Variants in WWOX observed in about 807,000 individuals in gnomAD.
WWOX encodes the protein WW domain-containing oxidoreductase.
WWOX carries 69 observed loss-of-function variants against 46.2 expected under a neutral mutation model. The ratio of observed to expected loss-of-function variants is 1.49; its 90% confidence interval spans 1.23 to 1.82. The LOEUF (loss-of-function observed/expected upper bound fraction) is 1.82, where lower values mean the gene tolerates loss of function less well. Ranked by LOEUF, WWOX falls within the 40% of genes most tolerant of loss-of-function variation. The pLI, the probability that WWOX is intolerant of heterozygous loss-of-function variation, is 0.00. For synonymous variants in WWOX, 359 were observed against 202.6 expected (o/e 1.77, Z -6.56); for missense variants, 919 against 542.6 (o/e 1.69, Z -6.89).
rs144105409 is a variant in WWOX at position 79,027,991 on chromosome 16, G to A, written c.1057-183617G>A. Among the ~76,000 whole-genome samples, 164 of 151,684 alleles carry A rather than the reference G, an allele frequency of 1.1e-3. 5 individuals are homozygous for A. The East Asian group carries it at 0.028, about 26-fold the overall frequency. The stretch of plus-strand genomic sequence containing the variant: ...TTTTGAGACGGAGTGTCGCTCTGTC[G>A]CCTAGGCTGGAGTGCAGTGGTGCAA... On this transcript the variant is annotated intron_variant, in intron 8 of 8. Transcript: ENST00000566780.
chr16:78,965,172 G>A (rs2151316571), intron 8 of WWOX, among the ~76,000 whole-genome samples: 1 of 152,302 alleles, frequency 6.6e-6, no homozygotes, highest in South Asian at 2.1e-4. Context: ...GAGGGAAAGT[G>A]AACTAAGCTC....
intron 8 of WWOX, among the ~76,000 whole-genome samples, chr16:79,089,473 A>T (rs545290993): frequency 3.7e-4 from 56 of 152,006 alleles, no homozygotes; most frequent in African/African-American, 1.3e-3. Context: ...CTGGGACTAC[A>T]GGCACACGCC....
chr16:79,046,256 C>G (rs1401059674), intron 8 of WWOX, among the ~76,000 whole-genome samples: 1 of 152,150 alleles, frequency 6.6e-6, no homozygotes, highest in Non-Finnish European at 1.5e-5. Flanking sequence ...GTCTAACTCC[C>G]TTTTTTCCCT....
chr16:78,737,125 A>C (rs2049110470), intron 8 of WWOX, among the ~76,000 whole-genome samples: 1 of 151,508 alleles, frequency 6.6e-6, no homozygotes, highest in Admixed American at 6.6e-5. Flanking sequence ...TTTGAGATGG[A>C]GTCTCACTCT....
intron 8 of WWOX, among the ~76,000 whole-genome samples, chr16:78,653,530 A>C (rs771373473): frequency 6.6e-6 from 1 of 152,176 alleles, no homozygotes; most frequent in African/African-American, 2.4e-5. Flanking sequence ...AAGGTTTCCT[A>C]CTCCTAAAAG....
chr16:78,686,105 C>T (rs904748395), intron 8 of WWOX, among the ~76,000 whole-genome samples: 2 of 152,200 alleles, frequency 1.3e-5, no homozygotes, highest in Non-Finnish European at 2.9e-5. Flanking sequence ...GACATTCATA[C>T]AGTCAGGACC....
Position 78,437,940 on chromosome 16 carries a change from A to T in WWOX, c.1056+5188A>T, listed in dbSNP as rs559112368. Reference sequence around the variant, plus strand: ...TAAGAACTTTCGAGTTGGTGAAAAAATGTATTGTATTTTAGTATCTATATT... The same window carrying T: ...TAAGAACTTTCGAGTTGGTGAAAAATTGTATTGTATTTTAGTATCTATATT... On this transcript the variant is annotated intron_variant, in intron 8 of 8. Coordinates refer to ENST00000566780, the MANE Select transcript of WWOX (RefSeq NM_016373.4). Among the ~76,000 whole-genome samples, 62 of 152,270 alleles carry T rather than the reference A, an allele frequency of 4.1e-4. 1 individual carries two copies. Among genetic ancestry groups the T allele is most frequent in the Non-Finnish European group, 8.2e-4 (56 of 68,016 alleles).
chr16:78,558,261 C>T (rs2044354371), intron 8 of WWOX, among the ~76,000 whole-genome samples: 1 of 152,242 alleles, frequency 6.6e-6, no homozygotes, highest in African/African-American at 2.4e-5. Context: ...CCTGGAGTCT[C>T]CATCCTCGTT....
In WWOX at chr16:78,842,941, C is replaced by G. The variant is rs184919990; in HGVS notation, c.1057-368667C>G. 2.5e-4 allele frequency among the ~76,000 whole-genome samples: 38 copies of G among 150,096 alleles called. 6 individuals are homozygous for G. Among genetic ancestry groups the G allele is most frequent in the Middle Eastern group, 6.9e-3 (2 of 288 alleles). On this transcript the variant is annotated intron_variant, in intron 8 of 8. Transcript: ENST00000566780. ...AAAAGAAAGAAATATGGAAAGAAAT[C>G]TAATTTAGAAAAATGCACGCACCCA... is the stretch of plus-strand genomic sequence containing the variant.
chr16:78,855,633 A>G (rs2052548405), intron 8 of WWOX, among the ~76,000 whole-genome samples: 1 of 152,188 alleles, frequency 6.6e-6, no homozygotes. Context: ...CCGAAGAGGG[A>G]AGACAACCTG....
At chr16:78,394,606 C>G (rs2082245962) in intron 6 of WWOX, among the ~76,000 whole-genome samples, 1 of 152,226 alleles carries the variant, frequency 6.6e-6, no homozygotes, top group East Asian at 1.9e-4. Context: ...CCGTAAAGGG[C>G]AGAGGTAGGT....
At chr16:78,821,627 T>C (rs1047289277) in intron 8 of WWOX, among the ~76,000 whole-genome samples, 5 of 152,178 alleles carry the variant, frequency 3.3e-5, no homozygotes, top group Non-Finnish European at 7.4e-5. Flanking sequence ...TTTATAACTT[T>C]TAAAGTTGTT....
intron 8 of WWOX, among the ~76,000 whole-genome samples, chr16:78,473,900 A>G (rs16947633): frequency 0.051 from 7,698 of 152,192 alleles, 461 homozygotes; most frequent in African/African-American, 0.14. Context: ...TTGTTACCGT[A>G]TTAATTTAGG....
At chr16:78,547,620 T>C (rs771584169) in intron 8 of WWOX, among the ~76,000 whole-genome samples, 2 of 152,182 alleles carry the variant, frequency 1.3e-5, no homozygotes, top group Admixed American at 1.3e-4. Context: ...CTATTTCTCA[T>C]AGTTCTTGAG....
intron 8 of WWOX, among the ~76,000 whole-genome samples, chr16:78,676,661 C>T (rs2047607179): frequency 6.6e-6 from 1 of 152,144 alleles, no homozygotes; most frequent in Non-Finnish European, 1.5e-5. Flanking sequence ...GCATATTAAA[C>T]AGCTGAGTGA....
chr16:78,905,421 G>C (rs1363984478), intron 8 of WWOX, among the ~76,000 whole-genome samples: 1 of 152,174 alleles, frequency 6.6e-6, no homozygotes, highest in Non-Finnish European at 1.5e-5. Flanking sequence ...CACTCTGTCA[G>C]CCAGGCTGGA....
At chr16:78,380,575 C>G (rs554480111) in intron 5 of WWOX, among the ~76,000 whole-genome samples, 1 of 152,042 alleles carries the variant, frequency 6.6e-6, no homozygotes, top group Non-Finnish European at 1.5e-5. Context: ...ACCCATTCAG[C>G]GGTGACCACC....
chr16:78,798,593 T>TTG (rs143820786), intron 8 of WWOX, among the ~76,000 whole-genome samples: 61,184 of 131,910 alleles, frequency 0.46, 14,610 homozygotes, highest in Middle Eastern at 0.65. Flanking sequence ...GTTGTTGGGT[T>TTG]TTTTTTTTTT....
chr16:79,093,260 C>T (rs573794947), intron 8 of WWOX, among the ~76,000 whole-genome samples: 31 of 151,984 alleles, frequency 2.0e-4, no homozygotes, highest in African/African-American at 6.8e-4. Flanking sequence ...ATTTTGGAGG[C>T]GAAAGATACA....
Sources: gnomAD v4.1 joint callset for allele counts (sites outside exome capture counted in the v4.1 genomes callset) on GRCh38, gnomAD v4.1.1 for gene constraint, MANE v1.5 for transcripts, NCBI Gene and HGNC (gene_info 2026-07-23, HGNC 2026-07-21) for gene names.